The following TFEC variants were observed in gnomAD, a reference collection of about 807,000 sequenced individuals.
TFEC encodes class E basic helix-loop-helix protein 34.
Under a neutral mutation model 41.6 loss-of-function variants are expected in TFEC, and 31 were observed. The ratio of observed to expected loss-of-function variants is 0.74; its 90% CI spans 0.56 to 1.01. TFEC has a LOEUF of 1.01. TFEC is among the 50% of genes least tolerant of loss of function. TFEC has a pLI of 0.00. For missense variants in TFEC, 402 were observed against 404.1 expected, an observed-to-expected ratio of 0.99 and a Z score of 0.04; for synonymous variants, 143 against 140.6, an observed-to-expected ratio of 1.02 and a Z score of -0.12.
intron 1 of TFEC, among the ~76,000 whole-genome samples, chr7:116,139,089 C>A (rs1440774781): frequency 6.6e-6 from 1 of 152,076 alleles, no homozygotes; most frequent in Non-Finnish European, 1.5e-5. Context: ...CACTAGAGGG[C>A]TAAGAATCTA....
At chr7:116,097,511 C>A (rs1487021526) in intron 3 of TFEC, among the ~76,000 whole-genome samples, 2 of 152,054 alleles carry the variant, frequency 1.3e-5, no homozygotes, top group Non-Finnish European at 1.5e-5. Flanking sequence ...CAGTGTGAGA[C>A]AGCAAAAGTT....
chr7:116,148,141 T>A (rs933514371), intron 1 of TFEC, among the ~76,000 whole-genome samples: 3 of 152,038 alleles, frequency 2.0e-5, no homozygotes, highest in African/African-American at 7.2e-5. Context: ...CAGACAGAGA[T>A]AATAGACAGT....
intron 3 of TFEC, among the ~76,000 whole-genome samples, chr7:116,042,517 T>G (rs966569467): frequency 7.6e-4 from 115 of 152,308 alleles, no homozygotes; most frequent in African/African-American, 2.5e-3. Flanking sequence ...ATGGACAAAT[T>G]TGAATTCACG....
intron 3 of TFEC, among the ~76,000 whole-genome samples, chr7:116,110,092 G>A (rs10953808): frequency 0.15 from 23,565 of 152,104 alleles, 1,970 homozygotes; most frequent in East Asian, 0.33. Context: ...GGGGGGAAGG[G>A]GGAGGGATAG....
intron 3 of TFEC, among the ~76,000 whole-genome samples, chr7:116,059,361 C>G (rs1207505638): frequency 6.6e-6 from 1 of 151,892 alleles, no homozygotes; most frequent in East Asian, 1.9e-4. Context: ...AGTTTAAAAG[C>G]TTCCCAAGAA....
At chr7:116,007,183 A>G (rs1794831499) in intron 1 of TFEC, among the ~76,000 whole-genome samples, 1 of 152,032 alleles carries the variant, frequency 6.6e-6, no homozygotes, top group African/African-American at 2.4e-5. Flanking sequence ...AGTTCTGACT[A>G]CTGAGAGAAC....
intron 3 of TFEC, among the ~76,000 whole-genome samples, chr7:116,091,803 T>C (rs996637066): frequency 4.6e-5 from 7 of 151,770 alleles, no homozygotes; most frequent in African/African-American, 1.5e-4. Context: ...CTTAGTTGTA[T>C]AGAAAAAAAG....
intron 1 of TFEC, among the ~76,000 whole-genome samples, chr7:116,122,751 C>A (rs913625061): frequency 6.6e-6 from 1 of 152,036 alleles, no homozygotes; most frequent in African/African-American, 2.4e-5. Flanking sequence ...AGGTTAAGGA[C>A]GACTGGAACA....
intron 3 of TFEC, among the ~76,000 whole-genome samples, chr7:116,048,072 C>T (rs528020218): frequency 1.0e-3 from 153 of 152,280 alleles, no homozygotes; most frequent in South Asian, 5.8e-3. Context: ...AAAATCAGAG[C>T]GCCTCTTCTC....
chr7:115,939,847 T>C lies in TFEC; in HGVS notation c.*704A>G, dbSNP rs1295454950. ...AGGAAAATATTCAATATGTTCCTTT[T>C]CCTGAACAGAGACTGGAGATATAAA... On this transcript the variant is annotated 3_prime_UTR_variant, in exon 8 of 8. Coordinates refer to ENST00000265440, the MANE Select transcript of TFEC (RefSeq NM_012252.4). 6.6e-6 allele frequency: 1 copy of C among 152,076 alleles called. No individual in the cohort carries two copies. Among genetic ancestry groups the C allele is most frequent in the Non-Finnish European group, 1.5e-5 (1 of 68,002 alleles). 9.4% of individuals were successfully genotyped at this position (152,076 alleles called of 1,614,324 possible).
intron 1 of TFEC, among the ~76,000 whole-genome samples, chr7:116,015,931 C>T (rs544462799): frequency 6.6e-6 from 1 of 152,196 alleles, no homozygotes; most frequent in East Asian, 1.9e-4. Context: ...AACGTGGTGG[C>T]CAGTTTAGAA....
At chr7:116,057,172 G>T (rs1361380823) in intron 3 of TFEC, among the ~76,000 whole-genome samples, 2 of 151,888 alleles carry the variant, frequency 1.3e-5, no homozygotes, top group Non-Finnish European at 2.9e-5. Context: ...ATTAGCTATG[G>T]GGCAAATTCA....
intron 3 of TFEC, among the ~76,000 whole-genome samples, chr7:116,085,242 T>C (rs1797176772): frequency 6.6e-6 from 1 of 151,862 alleles, no homozygotes; most frequent in African/African-American, 2.4e-5. Flanking sequence ...AACCAGATCA[T>C]GCAGAATGTT....
chr7:116,027,683 C>G (rs1795639050), intron 1 of TFEC, among the ~76,000 whole-genome samples: 1 of 151,798 alleles, frequency 6.6e-6, no homozygotes, highest in Admixed American at 6.6e-5. Flanking sequence ...CATGTTTGTG[C>G]AAGAAAGAAT....
At chr7:116,005,646 T>A (rs1390807941) in intron 1 of TFEC, among the ~76,000 whole-genome samples, 2 of 152,164 alleles carry the variant, frequency 1.3e-5, no homozygotes, top group African/African-American at 4.8e-5. Flanking sequence ...AGCCTGACAA[T>A]GCAATAGAAA....
chr7:116,099,721 T>C lies in TFEC; in HGVS notation c.198+10987A>G, dbSNP rs763035183. Among the ~76,000 whole-genome samples the C allele has an allele frequency of 2.6e-5, 4 of 152,230 alleles. No homozygotes were observed. In the East Asian group the frequency reaches 5.8e-4, roughly 22 times the overall value. ...AGCAAGCGAATGAACCTAGCCCATA[T>C]TGCTAACCCAGAGAATCATGAAGAA... On this transcript the variant is annotated intron_variant, in intron 3 of 8. Transcript: ENST00000484212.
intron 1 of TFEC, among the ~76,000 whole-genome samples, chr7:116,135,290 C>G (rs372348569): frequency 2.6e-5 from 4 of 152,100 alleles, no homozygotes; most frequent in East Asian, 1.9e-4. Flanking sequence ...AATATGGAAG[C>G]GTTTCCTTTG....
intron 1 of TFEC, among the ~76,000 whole-genome samples, chr7:116,128,374 C>A (rs1185065346): frequency 6.6e-6 from 1 of 152,088 alleles, no homozygotes; most frequent in Non-Finnish European, 1.5e-5. Flanking sequence ...TAAGCTGACA[C>A]TCCACGGTGA....
intron 3 of TFEC, among the ~76,000 whole-genome samples, chr7:116,100,088 T>A (rs1797570375): frequency 6.6e-6 from 1 of 152,192 alleles, no homozygotes; most frequent in Non-Finnish European, 1.5e-5. Flanking sequence ...ATAGCTCCAA[T>A]TTCTGCCTGC....
Sources: allele counts gnomAD v4.1 joint callset (sites outside exome capture counted in the v4.1 genomes callset), GRCh38; gene constraint gnomAD v4.1.1; transcripts MANE v1.5; gene names NCBI Gene and HGNC (gene_info 2026-07-23, HGNC 2026-07-21).